Variants in SEMA3D observed in about 807,000 individuals in gnomAD.
The protein encoded by SEMA3D is semaphorin 3D, also known as semaphorin-3D.
Under a neutral mutation model 100.1 loss-of-function variants are expected in SEMA3D, and 84 were observed. The ratio of observed to expected loss-of-function variants is 0.84; its 90% CI spans 0.70 to 1.01. The LOEUF (loss-of-function observed/expected upper bound fraction) is 1.01, where lower values mean the gene tolerates loss of function less well. SEMA3D is among the 50% of genes least tolerant of loss of function. The probability of loss-of-function intolerance (pLI) is 0.00; values close to 1 mark genes in which losing one functional copy is unlikely to be tolerated. For synonymous variants in SEMA3D, 312 were observed against 320.7 expected, an observed-to-expected ratio of 0.97 and a Z score of 0.29; for missense variants, 875 against 934.1, an observed-to-expected ratio of 0.94 and a Z score of 0.82.
chr7:85,083,292 G>C (rs1788114633), intron 4 of SEMA3D, among the ~76,000 whole-genome samples: 1 of 152,048 alleles, frequency 6.6e-6, no homozygotes, highest in Non-Finnish European at 1.5e-5. Flanking sequence ...TTTTTCACGT[G>C]TTTAACAACA....
At chr7:85,112,943 T>C (rs1375719555) in intron 3 of SEMA3D, among the ~76,000 whole-genome samples, 3 of 152,162 alleles carry the variant, frequency 2.0e-5, no homozygotes, top group Non-Finnish European at 4.4e-5. Context: ...TGGGTGAATA[T>C]ATGGTAAATA....
At chr7:85,062,022 G>A (rs1212941347) in intron 8 of SEMA3D, among the ~76,000 whole-genome samples, 1 of 152,144 alleles carries the variant, frequency 6.6e-6, no homozygotes, top group Non-Finnish European at 1.5e-5. Flanking sequence ...TTTGTAGTGA[G>A]GCTGCAAAGA....
chr7:85,241,467 G>GTGTGTGTGTATATATATA, the SEMA3D span, among the ~76,000 whole-genome samples: 1 of 92,002 alleles, frequency 1.1e-5, no homozygotes, highest in African/African-American at 5.5e-5. Flanking sequence ...CTGTGTGTGT[G>GTGTGTGTGTATATATATA]TATATATATA....
intron 4 of SEMA3D, among the ~76,000 whole-genome samples, chr7:85,088,784 C>G (rs1424113740): frequency 3.9e-5 from 6 of 152,078 alleles, no homozygotes; most frequent in Admixed American, 1.3e-4. Flanking sequence ...ACAAATTTTC[C>G]AAGAAAATGT....
Position 85,140,189 on chromosome 7 carries a change from A to C in SEMA3D, c.-41+13419T>G. 2 of 517,370 alleles carry C rather than the reference A, an allele frequency of 3.9e-6. 1 individual carries two copies. Among genetic ancestry groups the C allele is most frequent in the Non-Finnish European group, 5.0e-6 (2 of 402,596 alleles). 32.0% of individuals were successfully genotyped at this position (517,370 alleles called of 1,614,324 possible). Reference sequence around the variant, plus strand: ...TTAAGTTTATAAGAGCATTTATTTAATGTTTTTTAACATCAATAAAAATGT... The same window carrying C: ...TTAAGTTTATAAGAGCATTTATTTACTGTTTTTTAACATCAATAAAAATGT... On this transcript the variant is annotated intron_variant, in intron 2 of 18. Coordinates refer to ENST00000284136, the MANE Select transcript of SEMA3D (RefSeq NM_001384900.1).
chr7:85,244,144 T>G, the SEMA3D span, among the ~76,000 whole-genome samples: 1 of 152,274 alleles, frequency 6.6e-6, no homozygotes, highest in Admixed American at 6.5e-5. Context: ...TGGCATCTGC[T>G]TAGCTTCTGA....
intron 5 of SEMA3D, among the ~76,000 whole-genome samples, chr7:85,078,893 G>T (rs1787968150): frequency 6.6e-6 from 1 of 152,174 alleles, no homozygotes; most frequent in African/African-American, 2.4e-5. Flanking sequence ...AATAAAAGAT[G>T]TCAATAAAAC....
chr7:85,173,372 A>T (rs1346524196), intron 1 of SEMA3D, among the ~76,000 whole-genome samples: 1 of 152,074 alleles, frequency 6.6e-6, no homozygotes, highest in African/African-American at 2.4e-5. Context: ...ACTAGTATTA[A>T]GGGTTTACTC....
Position 85,018,293 on chromosome 7 carries a change from G to A in SEMA3D, c.1504C>T (p.His502Tyr), listed in dbSNP as rs777988540. 3.2e-6 allele frequency: 5 copies of A among 1,580,494 alleles called. No individual in the cohort carries two copies. The South Asian group carries it at 4.4e-5, about 14-fold the overall frequency. ...VVLEELQIFK[H>Y]SSIILNMELS... ...TCCATGTTCAAGATGATTGATGAGT[G>A]CTGAAAATAGAAGTTAAATGTCAAT... is the stretch of plus-strand genomic sequence containing the variant. The change falls in exon 15 of 19, where the codon CAC becomes TAC. Residue 502 changes from histidine (H) to tyrosine (Y), a missense_variant and splice_region_variant. His to Tyr is a moderately conservative substitution (Grantham distance 83, BLOSUM62 2). Transcript: ENST00000284136.
the SEMA3D span, among the ~76,000 whole-genome samples, chr7:85,229,161 A>C: frequency 6.6e-6 from 1 of 152,064 alleles, no homozygotes; most frequent in Non-Finnish European, 1.5e-5. Flanking sequence ...TAAAAAGAAA[A>C]TATATGACAC....
intron 12 of SEMA3D, among the ~76,000 whole-genome samples, chr7:85,036,322 T>C (rs1367136917): frequency 3.9e-5 from 6 of 152,076 alleles, no homozygotes; most frequent in African/African-American, 1.4e-4. Context: ...ACTTACATCA[T>C]TTGTGCTTTA....
At chr7:85,182,088 TC>T (rs1271946177) in intron 1 of SEMA3D, among the ~76,000 whole-genome samples, 1 of 152,110 alleles carries the variant, frequency 6.6e-6, no homozygotes, top group African/African-American at 2.4e-5. Context: ...TTTTCTTTTA[TC>T]TTTTTTTTAG....
chr7:85,231,436 C>A, the SEMA3D span, among the ~76,000 whole-genome samples: 1 of 117,872 alleles, frequency 8.5e-6, no homozygotes, highest in African/African-American at 3.4e-5. Flanking sequence ...CAATCTTTCC[C>A]TTTTTTTTTT....
Position 85,169,963 on chromosome 7 carries a change from TA to T in SEMA3D, c.-172-16225del, listed in dbSNP as rs201296486. On this transcript the variant is annotated intron_variant, in intron 1 of 18. Transcript: ENST00000284136. The stretch of plus-strand genomic sequence containing the variant: ...GAATGTGTGTTTGTGAATGTGAAAA[TA>T]AAAAAAAGTTCATTATATATGTGAT... Among the ~76,000 whole-genome samples the T allele has an allele frequency of 1.8e-4, 27 of 151,450 alleles. No homozygotes were observed. The East Asian group carries it at 3.3e-3, about 19-fold the overall frequency.
the SEMA3D span, among the ~76,000 whole-genome samples, chr7:85,221,985 A>C: frequency 6.6e-6 from 1 of 152,072 alleles, no homozygotes; most frequent in Non-Finnish European, 1.5e-5. Flanking sequence ...GCAGATAATA[A>C]AATTGCTGAA....
At chr7:85,141,581 T>C (rs1790053439) in intron 2 of SEMA3D, 2 of 984,230 alleles carry the variant, frequency 2.0e-6, no homozygotes, top group South Asian at 9.4e-5. Context: ...TTAAATTACT[T>C]AAGTTCCCTT....
chr7:85,064,731 G>A (rs561981475), intron 8 of SEMA3D, among the ~76,000 whole-genome samples: 37 of 152,184 alleles, frequency 2.4e-4, no homozygotes, highest in African/African-American at 5.8e-4. Context: ...GTTGTAAGGC[G>A]GTGGTGGGGA....
intron 4 of SEMA3D, among the ~76,000 whole-genome samples, chr7:85,087,862 G>T (rs1362695049): frequency 1.3e-5 from 2 of 151,952 alleles, no homozygotes; most frequent in Non-Finnish European, 2.9e-5. Context: ...TTTTCTTTTA[G>T]AGTTGTATAG....
At chr7:85,052,566 A>T (rs1791197244) in intron 9 of SEMA3D, among the ~76,000 whole-genome samples, 1 of 152,028 alleles carries the variant, frequency 6.6e-6, no homozygotes, top group Non-Finnish European at 1.5e-5. Flanking sequence ...TCCTTAGCGT[A>T]GTCCCACTTC....
Sources: allele counts gnomAD v4.1 joint callset (sites outside exome capture counted in the v4.1 genomes callset), GRCh38; gene constraint gnomAD v4.1.1; transcripts MANE v1.5; gene names NCBI Gene and HGNC (gene_info 2026-07-23, HGNC 2026-07-21).